ADAMDEC1: variants seen among roughly 807,000 people sequenced by gnomAD.
ADAMDEC1 encodes the protein ADAM DEC1.
ADAMDEC1 carries 62 observed loss-of-function variants against 60.4 expected under a neutral mutation model. The observed-to-expected ratio is 1.03, with a 90% confidence interval of 0.84 to 1.27. ADAMDEC1 has a LOEUF of 1.27. Ranked by LOEUF, ADAMDEC1 falls within the 50% of genes most tolerant of loss-of-function variation. The pLI is 0.00. For missense variants in ADAMDEC1, 595 were observed against 565.0 expected, an observed-to-expected ratio of 1.05 and a Z score of -0.54; for synonymous variants, 210 against 195.1, an observed-to-expected ratio of 1.08 and a Z score of -0.64.
rs142076237 is a variant in ADAMDEC1, at chr8:24,405,291, G to A, written c.1407-1G>A. On this transcript the variant is annotated splice_acceptor_variant, in intron 13 of 13. Coordinates refer to ENST00000256412, the MANE Select transcript of ADAMDEC1 (RefSeq NM_014479.3). LOFTEE classifies it high-confidence loss of function. ...CCAAATTTTATTTTTCCTTCAATCA[G>A]AGAGTGAATCCAAAAGTCTGCTTCA... The A allele has an allele frequency of 7.6e-5, 122 of 1,612,400 alleles. No homozygotes were observed. In the African/African-American group the frequency reaches 1.5e-3, roughly 20 times the overall value.
At chr8:24,399,118 T>C in intron 9 of ADAMDEC1, 78 bp downstream of exon 9, 1 of 1,461,016 alleles carries the variant, frequency 6.8e-7, no homozygotes, top group South Asian at 1.3e-5. Flanking sequence ...ATTTCCACTC[T>C]GTAATATTTC....
chr8:24,402,143 T>C, intron 12 of ADAMDEC1, 51 bp downstream of exon 12: 1 of 1,455,312 alleles, frequency 6.9e-7, no homozygotes. Context: ...GTTTTCTTTT[T>C]GTTTTCCAAT....
chr8:24,384,698 A>G (rs1236035389), intron 1 of ADAMDEC1, 106 bp downstream of exon 1: 2 of 1,021,904 alleles, frequency 2.0e-6, no homozygotes, highest in Admixed American at 2.9e-5. Flanking sequence ...TCGAAAGACC[A>G]TTACCATTTG....
At chr8:24,402,323 A>G (rs1462570820) in intron 12 of ADAMDEC1, among the ~76,000 whole-genome samples, 1 of 152,142 alleles carries the variant, frequency 6.6e-6, no homozygotes, top group African/African-American at 2.4e-5. Flanking sequence ...TAAATTGTTA[A>G]CTATAACATG....
At chr8:24,387,219 C>G (rs955502123) in intron 1 of ADAMDEC1, 5 of 152,214 alleles carry the variant, frequency 3.3e-5, no homozygotes, top group East Asian at 1.9e-4. Flanking sequence ...TCTAATTCCA[C>G]TTGACTAAGA....
At chr8:24,400,395 A>G in intron 11 of ADAMDEC1, 95 bp downstream of exon 11, 1 of 1,306,364 alleles carries the variant, frequency 7.7e-7, no homozygotes, top group East Asian at 2.6e-5. Flanking sequence ...ATTAAATATT[A>G]GATCTTGTGT....
chr8:24,396,599 C>A (rs1300519809), intron 5 of ADAMDEC1, among the ~76,000 whole-genome samples: 2 of 152,142 alleles, frequency 1.3e-5, no homozygotes, highest in African/African-American at 4.8e-5. Flanking sequence ...GTCATGTTTG[C>A]ACCCTTATGT....
intron 5 of ADAMDEC1, among the ~76,000 whole-genome samples, chr8:24,396,612 A>C (rs1817620572): frequency 6.6e-6 from 1 of 152,224 alleles, no homozygotes; most frequent in Non-Finnish European, 1.5e-5. Flanking sequence ...CCTTATGTGC[A>C]CATATAGACA....
At chr8:24,395,882 T>G (rs1817596126) in intron 5 of ADAMDEC1, 86 bp downstream of exon 5, 1 of 1,043,694 alleles carries the variant, frequency 9.6e-7, no homozygotes, top group African/African-American at 1.6e-5. Context: ...CTTCTTACTA[T>G]TTTGGTAAAT....
intron 1 of ADAMDEC1, among the ~76,000 whole-genome samples, chr8:24,385,487 C>CTT (rs147335260): frequency 0.023 from 3,548 of 152,226 alleles, 136 homozygotes; most frequent in African/African-American, 0.082. Context: ...TTACTGAAGT[C>CTT]TTCAAATTCA....
intron 5 of ADAMDEC1, 145 bp from the exon 6 acceptor site, chr8:24,397,125 C>A: frequency 1.7e-6 from 1 of 602,418 alleles, no homozygotes; most frequent in Non-Finnish European, 2.7e-6. Flanking sequence ...TTCTAACTTA[C>A]ATTACCAGAA....
Position 24,393,942 on chromosome 8 carries a change from G to T in ADAMDEC1, c.285-127G>T. ...GCAACAGAGCTCCAATGTTGGAAGA[G>T]GATTAGTAGGTCAGAACCTTAGCTA... On this transcript the variant is annotated intron_variant, in intron 3 of 13. Transcript: ENST00000256412. 3 of 513,536 alleles carry T rather than the reference G, an allele frequency of 5.8e-6. No individual in the cohort carries two copies. The East Asian group carries it at 9.1e-5, about 16-fold the overall frequency. 31.8% of individuals were successfully genotyped at this position (513,536 alleles called of 1,614,324 possible). A position where few individuals can be genotyped will look rare whatever the true frequency, so the allele number is the denominator to read the frequency against.
Position 24,405,417 on chromosome 8 carries a change from T to C in ADAMDEC1, c.*119T>C, listed in dbSNP as rs1356383063. On this transcript the variant is annotated 3_prime_UTR_variant, in exon 14 of 14. Transcript: ENST00000256412. Reference sequence around the variant, plus strand: ...TGGTCTTTCACTTGTCATTCTACTTTCTATATTGTTATCAGTCCAGGAAAC... The same window carrying C: ...TGGTCTTTCACTTGTCATTCTACTTCCTATATTGTTATCAGTCCAGGAAAC... The C allele has an allele frequency of 8.5e-7, 1 of 1,179,312 alleles. No homozygotes were observed. The highest frequency in any genetic ancestry group is 2.4e-5 in the East Asian group (1 of 41,618). 73.1% of individuals were successfully genotyped at this position (1,179,312 alleles called of 1,614,324 possible). A position where few individuals can be genotyped will look rare whatever the true frequency, so the allele number is the denominator to read the frequency against.
chr8:24,398,444 G>C (rs1426257766), intron 7 of ADAMDEC1, 36 bp from the exon 8 acceptor site: 1 of 1,253,482 alleles, frequency 8.0e-7, no homozygotes, highest in East Asian at 2.4e-5. Flanking sequence ...AGTGTAATCT[G>C]CTATTTCACT....
At chr8:24,398,673 G>A in intron 8 of ADAMDEC1, 122 bp downstream of exon 8, 2 of 949,066 alleles carry the variant, frequency 2.1e-6, no homozygotes, top group Non-Finnish European at 3.2e-6. Flanking sequence ...AATAGTTCAG[G>A]GAAATTTTAG....
At position 24,399,375 on chromosome 8, in the gene ADAMDEC1, C is replaced by G; in HGVS notation, c.930-18C>G. ...AAGACTCAGATTGTGACAGTAGTAT[C>G]TGTAACTTTTCATACAGCGGGATTA... On this transcript the variant is annotated intron_variant, in intron 9 of 13. Transcript: ENST00000256412. The G allele has an allele frequency of 6.2e-7, 1 of 1,608,940 alleles. No homozygotes were observed. Among genetic ancestry groups the G allele is most frequent in the South Asian group, 1.1e-5 (1 of 90,956 alleles).
chr8:24,404,922 A>C (rs1817852467), intron 13 of ADAMDEC1, among the ~76,000 whole-genome samples: 1 of 152,174 alleles, frequency 6.6e-6, no homozygotes, highest in Non-Finnish European at 1.5e-5. Flanking sequence ...GAATTCTGGA[A>C]ACTGTGCCCA....
At chr8:24,397,771 C>A in intron 7 of ADAMDEC1, 26 bp downstream of exon 7, 1 of 1,604,116 alleles carries the variant, frequency 6.2e-7, no homozygotes, top group South Asian at 1.1e-5. Context: ...ACGGCCCTCT[C>A]GGCCAGTTCA....
At position 24,399,053 on chromosome 8, in the gene ADAMDEC1, T is replaced by C; in HGVS notation, c.929+13T>C. 6.2e-7 allele frequency: 1 copy of C among 1,607,738 alleles called. No homozygotes were observed. Among genetic ancestry groups the C allele is most frequent in the Non-Finnish European group, 8.5e-7 (1 of 1,177,012 alleles). On this transcript the variant is annotated intron_variant, in intron 9 of 13. Transcript: ENST00000256412. ...CTCAGCTTCTCAGGTGAGCACATGC[T>C]GGCCAGGTGAATGTAGGCAGAATGG...
Sources: gnomAD v4.1 joint callset for allele counts (sites outside exome capture counted in the v4.1 genomes callset) on GRCh38, gnomAD v4.1.1 for gene constraint, MANE v1.5 for transcripts, NCBI Gene and HGNC (gene_info 2026-07-23, HGNC 2026-07-21) for gene names.